The following FAM47E variants were observed in gnomAD, a reference collection of about 807,000 sequenced individuals.
FAM47E encodes the protein family with sequence similarity 47 member E, also known as protein FAM47E.
Under a neutral mutation model 41.6 loss-of-function variants are expected in FAM47E, and 32 were observed. The observed-to-expected ratio is 0.77, with a 90% CI of 0.58 to 1.03. The LOEUF (loss-of-function observed/expected upper bound fraction) is 1.03, where lower values mean the gene tolerates loss of function less well. Among genes scored for constraint, FAM47E ranks in the 50% least tolerant of loss-of-function variants. FAM47E has a pLI of 0.00. For synonymous variants in FAM47E, 184 were observed against 188.7 expected (o/e 0.98, Z 0.20); for missense variants, 424 against 485.4 (o/e 0.87, Z 1.19).
At chr4:76,217,518 T>G (rs948324473) in intron 1 of FAM47E, 2 of 420,248 alleles carry the variant, frequency 4.8e-6, no homozygotes, top group African/African-American at 4.1e-5. Flanking sequence ...CCTCCTTCTC[T>G]CTCTAGCTTC....
At chr4:76,278,264 A>G in intron 6 of FAM47E, 40 bp downstream of exon 6, 3 of 1,451,254 alleles carry the variant, frequency 2.1e-6, no homozygotes, top group Non-Finnish European at 2.7e-6. Flanking sequence ...TGAGCTTCAG[A>G]TGATCACAGT....
At chr4:76,283,242 TAA>T in intron 7 of FAM47E, 137 bp from the exon 8 acceptor site, 1 of 533,282 alleles carries the variant, frequency 1.9e-6, no homozygotes, top group Non-Finnish European at 3.4e-6. Context: ...GTCAGATTAT[TAA>T]CATGTGATTT....
At position 76,264,592 on chromosome 4, in the gene FAM47E, TTTTG is replaced by T. The variant is rs752906864; in HGVS notation, c.560+765_560+768del. On this transcript the variant is annotated intron_variant, in intron 3 of 7. Coordinates refer to ENST00000424749, the MANE Select transcript of FAM47E (RefSeq NM_001136570.3). ...CACAAATAGATTTGGGATACACATT[TTTTG>T]TTTGTTTGTTTGTTTTTGAGACAGA... 7.0e-4 allele frequency among the ~76,000 whole-genome samples: 106 copies of T among 152,072 alleles called. 1 individual carries two copies. The highest frequency in any genetic ancestry group is 2.0e-3 in the Admixed American group (31 of 15,280).
chr4:76,235,891 T>A (rs1299038877), intron 2 of FAM47E, among the ~76,000 whole-genome samples: 1 of 152,212 alleles, frequency 6.6e-6, no homozygotes, highest in Non-Finnish European at 1.5e-5. Context: ...GTGCTATTAT[T>A]ATCATCATTT....
chr4:76,216,096 G>T (rs113171624), intron 1 of FAM47E, among the ~76,000 whole-genome samples: 8 of 152,226 alleles, frequency 5.3e-5, no homozygotes, highest in African/African-American at 1.9e-4. Context: ...AGCCTGATGG[G>T]TGGGTGGTCT....
intron 2 of FAM47E, among the ~76,000 whole-genome samples, chr4:76,232,836 T>C (rs1733516513): frequency 6.6e-6 from 1 of 152,202 alleles, no homozygotes; most frequent in Admixed American, 6.5e-5. Context: ...TTTGATATTA[T>C]GAAATAGTGT....
chr4:76,256,166 T>C lies in FAM47E; in HGVS notation c.75-12T>C. 6.5e-7 allele frequency: 1 copy of C among 1,548,296 alleles called. No homozygotes were observed. Among genetic ancestry groups the C allele is most frequent in the Non-Finnish European group, 8.7e-7 (1 of 1,144,674 alleles). On this transcript the variant is annotated splice_polypyrimidine_tract_variant and intron_variant, in intron 1 of 7. Coordinates refer to ENST00000424749, the MANE Select transcript of FAM47E (RefSeq NM_001136570.3). ...GTATTCTAGGTACAAAGAGAATCTA[T>C]CTACCTTCCAGATGTTTCACAAAGC...
intron 2 of FAM47E, among the ~76,000 whole-genome samples, chr4:76,235,856 A>C (rs1733578118): frequency 6.6e-6 from 1 of 152,204 alleles, no homozygotes; most frequent in Non-Finnish European, 1.5e-5. Flanking sequence ...AATCAATTTA[A>C]TCCTCTCACA....
intron 2 of FAM47E, among the ~76,000 whole-genome samples, chr4:76,260,731 G>T (rs1216225429): frequency 1.3e-5 from 2 of 151,976 alleles, no homozygotes; most frequent in African/African-American, 4.8e-5. Context: ...TAAGCTAAAG[G>T]ACTTTGAACT....
intron 3 of FAM47E, among the ~76,000 whole-genome samples, chr4:76,267,157 A>G (rs957064797): frequency 8.5e-5 from 13 of 152,160 alleles, no homozygotes; most frequent in Admixed American, 3.9e-4. Flanking sequence ...TTCAATTCTA[A>G]TGCCTGGCAC....
intron 1 of FAM47E, among the ~76,000 whole-genome samples, chr4:76,215,641 A>G (rs1733192514): frequency 6.6e-6 from 1 of 152,230 alleles, no homozygotes; most frequent in African/African-American, 2.4e-5. Flanking sequence ...AAGCTAGATC[A>G]TAAATGCCTT....
intron 2 of FAM47E, among the ~76,000 whole-genome samples, chr4:76,262,740 A>G (rs1734471111): frequency 6.6e-6 from 1 of 152,148 alleles, no homozygotes; most frequent in Admixed American, 6.6e-5. Flanking sequence ...AACTGCACAT[A>G]GAGTGGTGTC....
intron 1 of FAM47E, among the ~76,000 whole-genome samples, chr4:76,214,710 G>A (rs924366457): frequency 1.3e-5 from 2 of 152,210 alleles, no homozygotes; most frequent in African/African-American, 4.8e-5. Flanking sequence ...CGTTAAATGA[G>A]TGTTTCTTCT....
intron 4 of FAM47E, 60 bp downstream of exon 4, chr4:76,268,828 A>G: frequency 6.5e-7 from 1 of 1,537,052 alleles, no homozygotes; most frequent in Non-Finnish European, 8.8e-7. Context: ...GTTAGTGGTA[A>G]TATTTAAACC....
intron 1 of FAM47E, among the ~76,000 whole-genome samples, chr4:76,217,266 T>C (rs777974630): frequency 1.3e-5 from 2 of 152,178 alleles, no homozygotes; most frequent in Non-Finnish European, 2.9e-5. Flanking sequence ...TCCCAGAGTT[T>C]AGATGAGGAG....
At chr4:76,269,074 G>T in intron 4 of FAM47E, 4 of 310,364 alleles carry the variant, frequency 1.3e-5, no homozygotes, top group Middle Eastern at 9.3e-4. Context: ...TTTATTGTTA[G>T]GACTTTCTTT....
At chr4:76,247,910 C>CTCTTT (rs1310282160), upstream of FAM47E, among the ~76,000 whole-genome samples, 1 of 86,844 alleles carries the variant, frequency 1.2e-5, no homozygotes, top group Non-Finnish European at 2.1e-5. Flanking sequence ...CACTCTCTCT[C>CTCTTT]TTTTTTTTTT....
At chr4:76,276,959 A>G (rs1735145327) in intron 5 of FAM47E, among the ~76,000 whole-genome samples, 1 of 152,130 alleles carries the variant, frequency 6.6e-6, no homozygotes, top group Non-Finnish European at 1.5e-5. Context: ...ATTCTGCCAC[A>G]TAGTTTAAAT....
chr4:76,248,567 A>T (rs962852496), upstream of FAM47E, among the ~76,000 whole-genome samples: 1 of 152,144 alleles, frequency 6.6e-6, no homozygotes, highest in African/African-American at 2.4e-5. Context: ...TTCAACAACT[A>T]TTGATTTGTT....
Sources: allele counts gnomAD v4.1 joint callset (sites outside exome capture counted in the v4.1 genomes callset), GRCh38; gene constraint gnomAD v4.1.1; transcripts MANE v1.5; gene names NCBI Gene and HGNC (gene_info 2026-07-23, HGNC 2026-07-21).